The following TIFAB variants were observed in gnomAD, a reference collection of about 807,000 sequenced individuals.
TIFAB encodes TIFA inhibitor, also known as TRAF-interacting protein with FHA domain-containing protein B.
For missense variants in TIFAB, 222 were observed against 203.6 expected, an observed-to-expected ratio of 1.09 and a Z score of -0.55; for synonymous variants, 116 against 95.2, an observed-to-expected ratio of 1.22 and a Z score of -1.27.
Position 135,446,270 on chromosome 5 carries a change from A to G in TIFAB, c.*3184T>C. ...GGACAAGAATTCTAACCCAGGCAGC[A>G]GTCTGACCAGAGGGCCCTAGCTGGG... On this transcript the variant is annotated 3_prime_UTR_variant, in exon 2 of 2. Transcript: ENST00000537858. The G allele has an allele frequency of 7.2e-7, 1 of 1,390,484 alleles. No homozygotes were observed. The highest frequency in any genetic ancestry group is 2.3e-5 in the East Asian group (1 of 43,244). 86.1% of individuals were successfully genotyped at this position (1,390,484 alleles called of 1,614,324 possible).
chr5:135,447,921 G>A lies in TIFAB; in HGVS notation c.*1533C>T, dbSNP rs1769300478. On this transcript the variant is annotated 3_prime_UTR_variant, in exon 2 of 2. Coordinates refer to ENST00000537858, the MANE Select transcript of TIFAB (RefSeq NM_001099221.2). ...CTTTGCACAGATCTGGCACAAGGTG[G>A]GTGCTTGGTGAAGGTTTGCTGAATG... 6.6e-6 allele frequency: 1 copy of A among 152,232 alleles called. No homozygotes were observed. The highest frequency in any genetic ancestry group is 2.1e-4 in the South Asian group (1 of 4,828). 9.4% of individuals were successfully genotyped at this position (152,232 alleles called of 1,614,324 possible).
Position 135,446,783 on chromosome 5 carries a change from G to A in TIFAB, c.*2671C>T, listed in dbSNP as rs1769274019. 2 of 1,613,842 alleles carry A rather than the reference G, an allele frequency of 1.2e-6. No individual in the cohort carries two copies. The highest frequency in any genetic ancestry group is 1.7e-5 in the Admixed American group (1 of 60,012). On this transcript the variant is annotated 3_prime_UTR_variant, in exon 2 of 2. Transcript: ENST00000537858. ...TCTGCTGCTATGCAGTTCATCCTGG[G>A]TCCCTGAGGGCCTCGCAGATGCTTC...
Position 135,449,613 on chromosome 5 carries a change from G to C in TIFAB, c.327C>G (p.Gly109=). 1 of 1,614,228 alleles carries C rather than the reference G, an allele frequency of 6.2e-7. No individual in the cohort carries two copies. Among genetic ancestry groups the C allele is most frequent in the Non-Finnish European group, 8.5e-7 (1 of 1,180,056 alleles). ...CTTCTACGCGAACCAGCATCTGGAT[G>C]CCTGAGAAGGAGACCCTGTTGACGG... ...LSTVNRVSFS[G]IQMLVRVEEG... Residue 109 remains glycine (G), a synonymous_variant, in exon 2 of 2, where the codon GGC becomes GGG. Transcript: ENST00000537858.
chr5:135,449,441 CA>C lies in TIFAB; in HGVS notation c.*12del. On this transcript the variant is annotated 3_prime_UTR_variant, in exon 2 of 2. Transcript: ENST00000537858. ...GGAAGGGCCGTGGAGAAACCCCAGG[CA>C]ACCTGGATCTGCTACCCTGAACCAG... 6 of 1,610,640 alleles carry C rather than the reference CA, an allele frequency of 3.7e-6. No individual in the cohort carries two copies. The highest frequency in any genetic ancestry group is 4.2e-6 in the Non-Finnish European group (5 of 1,178,108).
chr5:135,451,259 G>GCA (rs1769358349), intron 1 of TIFAB, among the ~76,000 whole-genome samples: 1 of 152,236 alleles, frequency 6.6e-6, no homozygotes, highest in Non-Finnish European at 1.5e-5. Context: ...CAGCGAGCCT[G>GCA]TTGCAGGTGG....
rs1269860763 is a variant in TIFAB at position 135,444,580 on chromosome 5, C to T, written c.*4874G>A. ...TAGATACAGTGGAAGACAGGTGGCT[C>T]AGCTGGCAGCCCACTGCAGGGGTGG... On this transcript the variant is annotated 3_prime_UTR_variant, in exon 2 of 2. Transcript: ENST00000537858. The T allele has an allele frequency of 6.6e-6, 1 of 152,322 alleles. No individual in the cohort carries two copies. The highest frequency in any genetic ancestry group is 2.1e-4 in the South Asian group (1 of 4,832). The allele number at this position is 152,322 out of a possible 1,614,324, so 9.4% of individuals were successfully genotyped here.
At position 135,446,246 on chromosome 5, in the gene TIFAB, G is replaced by T. The variant is rs991656407; in HGVS notation, c.*3208C>A. ...CAGAACTATAGTAAGTGGGGGTGGG[G>T]ACAAGAATTCTAACCCAGGCAGCAG... On this transcript the variant is annotated 3_prime_UTR_variant, in exon 2 of 2. Transcript: ENST00000537858. 1 of 1,149,316 alleles carries T rather than the reference G, an allele frequency of 8.7e-7. No homozygotes were observed. The highest frequency in any genetic ancestry group is 1.2e-6 in the Non-Finnish European group (1 of 809,778). The allele number at this position is 1,149,316 out of a possible 1,614,324, so 71.2% of individuals were successfully genotyped here.
At position 135,448,658 on chromosome 5, in the gene TIFAB, G is replaced by C. The variant is rs1258553827; in HGVS notation, c.*796C>G. 1.3e-5 allele frequency: 2 copies of C among 152,166 alleles called. No homozygotes were observed. Among genetic ancestry groups the C allele is most frequent in the African/African-American group, 4.8e-5 (2 of 41,418 alleles). 9.4% of individuals were successfully genotyped at this position (152,166 alleles called of 1,614,324 possible). The stretch of plus-strand genomic sequence containing the variant: ...CGGAGTGTGAGGATGAGGATGATAA[G>C]GGGGACAATGAATTTCCAGGCAGGC... On this transcript the variant is annotated 3_prime_UTR_variant, in exon 2 of 2. Transcript: ENST00000537858.
At position 135,449,847 on chromosome 5, in the gene TIFAB, A is replaced by G; in HGVS notation, c.93T>C (p.His31=). ...GTCCGAGAAGCAGAGGGCTGGTATCATGCTGCAGCCGTGGTGGGACATTGG... is the reference window on the plus strand; with the variant it reads ...GTCCGAGAAGCAGAGGGCTGGTATCGTGCTGCAGCCGTGGTGGGACATTGG... The part of the protein sequence containing the change: ...AFANVPPRLQ[H]DTSPLLLGRG... Residue 31 remains histidine, a synonymous_variant, in exon 2 of 2, where the codon CAT becomes CAC. Coordinates refer to ENST00000537858, the MANE Select transcript of TIFAB (RefSeq NM_001099221.2). The G allele has an allele frequency of 1.3e-6, 2 of 1,598,478 alleles. No individual in the cohort carries two copies. The highest frequency in any genetic ancestry group is 1.1e-5 in the South Asian group (1 of 88,958).
At position 135,445,467 on chromosome 5, in the gene TIFAB, C is replaced by T. The variant is rs1457487970; in HGVS notation, c.*3987G>A. On this transcript the variant is annotated 3_prime_UTR_variant, in exon 2 of 2. Transcript: ENST00000537858. ...CACCCCAGCTGGCCAACTGGCTTCC[C>T]ACCACTATGGGCCTCGCACTGCCCA... 6.6e-6 allele frequency: 1 copy of T among 152,618 alleles called. No homozygotes were observed. The highest frequency in any genetic ancestry group is 1.5e-5 in the Non-Finnish European group (1 of 68,384). 9.5% of individuals were successfully genotyped at this position (152,618 alleles called of 1,614,324 possible).
chr5:135,451,509 A>G (rs1209783669), intron 1 of TIFAB, among the ~76,000 whole-genome samples: 1 of 144,382 alleles, frequency 6.9e-6, no homozygotes, highest in Non-Finnish European at 1.5e-5. Context: ...TCTGAGATGG[A>G]GTCTCACACT....
rs1014306345 is a variant in TIFAB, at chr5:135,445,165, G to C, written c.*4289C>G. The stretch of plus-strand genomic sequence containing the variant: ...CCCTATGAGCCTCTGCAGGGGACAG[G>C]AAGTGCTGACTGAGAACTGTCTCTC... On this transcript the variant is annotated 3_prime_UTR_variant, in exon 2 of 2. Transcript: ENST00000537858. 1 of 152,168 alleles carries C rather than the reference G, an allele frequency of 6.6e-6. No homozygotes were observed. Among genetic ancestry groups the C allele is most frequent in the Non-Finnish European group, 1.5e-5 (1 of 68,056 alleles). 9.4% of individuals were successfully genotyped at this position (152,168 alleles called of 1,614,324 possible). A position where few individuals can be genotyped will look rare whatever the true frequency, so the allele number is the denominator to read the frequency against.
In TIFAB at chr5:135,449,733, G is replaced by A; in HGVS notation, c.207C>T (p.Ala69=). 1 of 1,614,038 alleles carries A rather than the reference G, an allele frequency of 6.2e-7. No homozygotes were observed. Among genetic ancestry groups the A allele is most frequent in the Non-Finnish European group, 8.5e-7 (1 of 1,179,978 alleles). The change falls in exon 2 of 2, where the codon GCC becomes GCT. Residue 69 remains alanine (A), a synonymous_variant. Transcript: ENST00000537858. ...GGGCCTTGAGGCAGAAGGCCAGCAG[G>A]GCACTGCCTTTCTCCAGGTAGGGCT... ...SLEPYLEKGS[A]LLAFCLKALS... is the part of the protein sequence containing the mutation.
In TIFAB at chr5:135,446,309, T is replaced by G; in HGVS notation, c.*3145A>C. 2.6e-6 allele frequency: 4 copies of G among 1,524,580 alleles called. No homozygotes were observed. In the South Asian group the frequency reaches 5.3e-5, roughly 20 times the overall value. 94.4% of individuals were successfully genotyped at this position (1,524,580 alleles called of 1,614,324 possible). ...GCCCTAGCTGGGAGCAGCGTTCATGTGCACTGTATGTTCGTGTTTAGTGTA... is the reference window on the plus strand; with the variant it reads ...GCCCTAGCTGGGAGCAGCGTTCATGGGCACTGTATGTTCGTGTTTAGTGTA... On this transcript the variant is annotated 3_prime_UTR_variant, in exon 2 of 2. Coordinates refer to ENST00000537858, the MANE Select transcript of TIFAB (RefSeq NM_001099221.2).
In TIFAB at chr5:135,449,416, G is replaced by A. The variant is rs1262241227; in HGVS notation, c.*38C>T. ...GCTGGAGAGGGCTGTCCCAAGTCTGGGAAGGGCCGTGGAGAAACCCCAGGC... is the reference window on the plus strand; with the variant it reads ...GCTGGAGAGGGCTGTCCCAAGTCTGAGAAGGGCCGTGGAGAAACCCCAGGC... On this transcript the variant is annotated 3_prime_UTR_variant, in exon 2 of 2. Transcript: ENST00000537858. 6.2e-7 allele frequency: 1 copy of A among 1,603,898 alleles called. No individual in the cohort carries two copies. The highest frequency in any genetic ancestry group is 1.1e-5 in the South Asian group (1 of 90,172).
rs1031843 is a variant in TIFAB, at chr5:135,446,868, G to C, written c.*2586C>G. 8.1e-6 allele frequency: 13 copies of C among 1,613,778 alleles called. No individual in the cohort carries two copies. The South Asian group carries it at 1.4e-4, about 18-fold the overall frequency. Reference sequence around the variant, plus strand: ...AGGAATTGAACTGCCCCCTCTCGCAGGACCCCAGCTGGCAAGGTTTTGTTC... The same window carrying C: ...AGGAATTGAACTGCCCCCTCTCGCACGACCCCAGCTGGCAAGGTTTTGTTC... On this transcript the variant is annotated 3_prime_UTR_variant, in exon 2 of 2. Transcript: ENST00000537858.
At chr5:135,450,681 C>T (rs896874706) in intron 1 of TIFAB, 1 of 152,258 alleles carries the variant, frequency 6.6e-6, no homozygotes, top group African/African-American at 2.4e-5. Context: ...CACCAGCACC[C>T]TGTGGCCCAG....
In TIFAB at chr5:135,446,026, A is replaced by G. The variant is rs531798677; in HGVS notation, c.*3428T>C. 30 of 206,248 alleles carry G rather than the reference A, an allele frequency of 1.5e-4. No homozygotes were observed. In the East Asian group the frequency reaches 3.2e-3, roughly 22 times the overall value. The allele number at this position is 206,248 out of a possible 1,614,324, so 12.8% of individuals were successfully genotyped here. A position where few individuals can be genotyped will look rare whatever the true frequency, so the allele number is the denominator to read the frequency against. On this transcript the variant is annotated 3_prime_UTR_variant, in exon 2 of 2. Transcript: ENST00000537858. ...GAGTGTAGACTGGGTCCATGTGCCT[A>G]CATGCATTCAGTTCCTCCCACCAAA...
chr5:135,451,252 C>T (rs895676717), intron 1 of TIFAB, among the ~76,000 whole-genome samples: 7 of 152,196 alleles, frequency 4.6e-5, no homozygotes, highest in African/African-American at 1.7e-4. Flanking sequence ...TGTGGGACAG[C>T]GAGCCTGTTG....
Sources: allele counts gnomAD v4.1 joint callset (sites outside exome capture counted in the v4.1 genomes callset), GRCh38; gene constraint gnomAD v4.1.1; transcripts MANE v1.5; gene names NCBI Gene and HGNC (gene_info 2026-07-23, HGNC 2026-07-21).